The following ENPP3 variants were observed in gnomAD, a reference collection of about 807,000 sequenced individuals.
The protein encoded by ENPP3 is ectonucleotide pyrophosphatase/phosphodiesterase family member 3.
In ENPP3, 104 loss-of-function variants were observed where a neutral mutation model predicts 117.8. The observed-to-expected ratio is 0.88, with a 90% CI of 0.75 to 1.04. The LOEUF (loss-of-function observed/expected upper bound fraction) is 1.04, where lower values mean the gene tolerates loss of function less well. ENPP3 is among the 50% of genes least tolerant of loss of function. ENPP3 has a pLI of 0.00. For missense variants in ENPP3, 1,026 were observed against 1,051.9 expected, an observed-to-expected ratio of 0.98 and a Z score of 0.34; for synonymous variants, 380 against 349.9, an observed-to-expected ratio of 1.09 and a Z score of -0.96.
chr6:131,685,459 A>G lies in ENPP3; in HGVS notation c.1216A>G (p.Ile406Val). ...CATGTACGAAGGGCCTGCCCCCCGCATCCGAGCTCATAATATACCTCATGA... is the reference window on the plus strand; with the variant it reads ...CATGTACGAAGGGCCTGCCCCCCGCGTCCGAGCTCATAATATACCTCATGA... The part of the protein sequence containing the change: ...FYMYEGPAPR[I>V]RAHNIPHDFF... The change falls in exon 13 of 25, where the codon ATC (isoleucine) becomes GTC (valine). Residue 406 changes from isoleucine (I) to valine (V), a missense_variant. Transcript: ENST00000357639. 1 of 1,614,104 alleles carries G rather than the reference A, an allele frequency of 6.2e-7. No homozygotes were observed. The highest frequency in any genetic ancestry group is 8.5e-7 in the Non-Finnish European group (1 of 1,179,970).
At chr6:131,646,434 C>T (rs1778154712) in intron 2 of ENPP3, among the ~76,000 whole-genome samples, 1 of 151,956 alleles carries the variant, frequency 6.6e-6, no homozygotes, top group Non-Finnish European at 1.5e-5. Flanking sequence ...TGTCTGGGGA[C>T]CATCTGTTCA....
rs778551723 is a variant in ENPP3, at chr6:131,701,350, C to T, written c.1412+7726C>T. The T allele has an allele frequency of 1.5e-5, 24 of 1,613,442 alleles. No individual in the cohort carries two copies. In the East Asian group the frequency reaches 5.1e-4, roughly 34 times the overall value. On this transcript the variant is annotated intron_variant, in intron 15 of 24. Coordinates refer to ENST00000357639, the MANE Select transcript of ENPP3 (RefSeq NM_005021.5). ...AGGAGCATCTGAATCCTTGGGCCAA[C>T]GGGAAATCCCAGTAGGAGGAACTCT... is the stretch of plus-strand genomic sequence containing the variant.
At chr6:131,666,967 A>G (rs1257912042) in intron 6 of ENPP3, among the ~76,000 whole-genome samples, 1 of 152,100 alleles carries the variant, frequency 6.6e-6, no homozygotes, top group Non-Finnish European at 1.5e-5. Flanking sequence ...TGTCTAGAGT[A>G]TGCTAGGTCC....
intron 15 of ENPP3, among the ~76,000 whole-genome samples, chr6:131,717,621 T>C (rs923345439): frequency 2.0e-5 from 3 of 152,240 alleles, no homozygotes; most frequent in African/African-American, 7.2e-5. Context: ...TTCAAAACAG[T>C]ATTAAAATGT....
intron 20 of ENPP3, among the ~76,000 whole-genome samples, chr6:131,730,153 A>C (rs9493083): frequency 0.11 from 16,777 of 152,236 alleles, 1,323 homozygotes; most frequent in East Asian, 0.33. Flanking sequence ...CTAATGTGAA[A>C]TGTTTGAGTA....
intron 14 of ENPP3, among the ~76,000 whole-genome samples, chr6:131,688,991 G>A (rs975119347): frequency 1.3e-5 from 2 of 151,798 alleles, no homozygotes; most frequent in Non-Finnish European, 2.9e-5. Flanking sequence ...GCTTGAACCC[G>A]GAAGGCGGAG....
Position 131,685,476 on chromosome 6 carries a change from A to G in ENPP3, c.1233A>G (p.Ile411Met). ...GPAPRIRAHNIPHDFFSFNSE... is the reference protein window; with the variant it reads ...GPAPRIRAHNMPHDFFSFNSE... ...CCCCCCGCATCCGAGCTCATAATAT[A>G]CCTCATGACTTTTTTAGTTGTAAGT... Residue 411 changes from isoleucine (I) to methionine (M), a missense_variant, in exon 13 of 25, where the codon ATA becomes ATG. Coordinates refer to ENST00000357639, the MANE Select transcript of ENPP3 (RefSeq NM_005021.5). 6.2e-7 allele frequency: 1 copy of G among 1,613,766 alleles called. No homozygotes were observed. The highest frequency in any genetic ancestry group is 8.5e-7 in the Non-Finnish European group (1 of 1,179,888).
At chr6:131,638,275 A>G (rs1473811954) in intron 1 of ENPP3, among the ~76,000 whole-genome samples, 1 of 152,152 alleles carries the variant, frequency 6.6e-6, no homozygotes, top group African/African-American at 2.4e-5. Flanking sequence ...TGCTTCTACC[A>G]TGACATTGAC....
chr6:131,673,598 A>G (rs1235538479), intron 7 of ENPP3, among the ~76,000 whole-genome samples: 1 of 152,110 alleles, frequency 6.6e-6, no homozygotes, highest in Non-Finnish European at 1.5e-5. Flanking sequence ...GTGATGAAAT[A>G]ATATGTACAA....
At position 131,746,857 on chromosome 6, in the gene ENPP3, A is replaced by G; in HGVS notation, c.2529A>G (p.Glu843=). The change falls in exon 25 of 25, where the codon GAA becomes GAG. Residue 843 remains glutamate (E), a synonymous_variant. Coordinates refer to ENST00000357639, the MANE Select transcript of ENPP3 (RefSeq NM_005021.5). The part of the protein sequence containing the change: ...TAHIARVRDV[E]LLTGLDFYQD... ...ACATTGCCCGGGTCCGTGATGTAGA[A>G]CTTCTCACTGGGCTTGACTTCTATC... is the stretch of plus-strand genomic sequence containing the variant. 1 of 1,613,494 alleles carries G rather than the reference A, an allele frequency of 6.2e-7. No homozygotes were observed. Among genetic ancestry groups the G allele is most frequent in the Non-Finnish European group, 8.5e-7 (1 of 1,179,678 alleles).
Position 131,737,401 on chromosome 6 carries a change from C to G in ENPP3, c.2136C>G (p.Ser712Arg), listed in dbSNP as rs979075860. ...SDSQYDALIT[S>R]NLVPMYEEFR... ...GCCAATATGATGCTTTAATTACTAG[C>G]AATTTGGTACCTATGTATGAAGAAT... The change falls in exon 22 of 25, where the codon AGC becomes AGG. Residue 712 changes from serine (S) to arginine (R), a missense_variant. By Grantham distance (110) the Ser-to-Arg change is moderately radical. Transcript: ENST00000357639. The G allele has an allele frequency of 1.4e-5, 23 of 1,605,050 alleles. No individual in the cohort carries two copies. The highest frequency in any genetic ancestry group is 1.8e-5 in the Non-Finnish European group (21 of 1,173,192).
intron 2 of ENPP3, among the ~76,000 whole-genome samples, chr6:131,648,510 A>G (rs915948133): frequency 6.6e-5 from 10 of 152,258 alleles, no homozygotes; most frequent in African/African-American, 2.2e-4. Flanking sequence ...TTTTTATTAT[A>G]TAAAGTCTCT....
chr6:131,638,840 A>G (rs1383368985), intron 1 of ENPP3, among the ~76,000 whole-genome samples: 1 of 148,658 alleles, frequency 6.7e-6, no homozygotes, highest in Non-Finnish European at 1.5e-5. Flanking sequence ...TAATATGTGT[A>G]TTTTTAGAGA....
intron 11 of ENPP3, among the ~76,000 whole-genome samples, chr6:131,680,514 T>G (rs2114409840): frequency 6.6e-6 from 1 of 152,072 alleles, no homozygotes; most frequent in East Asian, 1.9e-4. Context: ...TGCACAGAAG[T>G]GGAGATGGCC....
chr6:131,724,439 C>A (rs530186622), intron 19 of ENPP3, among the ~76,000 whole-genome samples: 1 of 152,220 alleles, frequency 6.6e-6, no homozygotes, highest in East Asian at 1.9e-4. Context: ...AATCACTTAG[C>A]CTCCCTGTGC....
chr6:131,650,177 G>A lies in ENPP3; in HGVS notation c.277+28G>A, dbSNP rs371497016. ...ATGAGTTCTGAGAATAAGTTTATTA[G>A]CATGTTGCTTGTGTTACTATTAATA... On this transcript the variant is annotated intron_variant, in intron 3 of 24. Coordinates refer to ENST00000357639, the MANE Select transcript of ENPP3 (RefSeq NM_005021.5). The A allele has an allele frequency of 1.8e-5, 29 of 1,612,794 alleles. No homozygotes were observed. The East Asian group carries it at 4.0e-4, about 22-fold the overall frequency.
rs1779131354 is a variant in ENPP3, at chr6:131,685,407, T to C, written c.1164T>C (p.Asp388=). The part of the protein sequence containing the change: ...TYCNKMEYMT[D]YFPRINFFYM... ...GTAACAAGATGGAATACATGACTGA[T>C]TATTTTCCCAGAATAAACTTCTTCT... Residue 388 remains aspartate (D), a synonymous_variant, in exon 13 of 25, where the codon GAT becomes GAC. Coordinates refer to ENST00000357639, the MANE Select transcript of ENPP3 (RefSeq NM_005021.5). 1 of 1,612,946 alleles carries C rather than the reference T, an allele frequency of 6.2e-7. No individual in the cohort carries two copies.
At chr6:131,662,164 A>G (rs534663546) in intron 6 of ENPP3, among the ~76,000 whole-genome samples, 60 of 151,888 alleles carry the variant, frequency 4.0e-4, no homozygotes, top group African/African-American at 1.4e-3. Context: ...TTATTTCCCC[A>G]TTGTGTATTC....
At chr6:131,736,960 A>G (rs1780409981) in intron 21 of ENPP3, among the ~76,000 whole-genome samples, 1 of 152,068 alleles carries the variant, frequency 6.6e-6, no homozygotes, top group Non-Finnish European at 1.5e-5. Flanking sequence ...CTCTGCCTCC[A>G]TCTTCACAAG....
Sources: allele counts gnomAD v4.1 joint callset (sites outside exome capture counted in the v4.1 genomes callset), GRCh38; gene constraint gnomAD v4.1.1; transcripts MANE v1.5; gene names NCBI Gene and HGNC (gene_info 2026-07-23, HGNC 2026-07-21).